MASP2: variants seen among roughly 807,000 people sequenced by gnomAD.
The protein encoded by MASP2 is MBL associated serine protease 2.
Under a neutral mutation model 57.1 loss-of-function variants are expected in MASP2, and 49 were observed. That is an observed-to-expected ratio of 0.86 (90% CI 0.68 to 1.09). The LOEUF is 1.09. Among genes scored for constraint, MASP2 ranks in the 50% least tolerant of loss-of-function variants. The probability of loss-of-function intolerance (pLI) is 0.00; values close to 1 mark genes in which losing one functional copy is unlikely to be tolerated. For missense variants in MASP2, 900 were observed against 874.8 expected, an observed-to-expected ratio of 1.03 and a Z score of -0.36; for synonymous variants, 379 against 340.8, an observed-to-expected ratio of 1.11 and a Z score of -1.24.
At chr1:11,033,965 ACTCTCTCT>A (rs796583650) in intron 8 of MASP2, among the ~76,000 whole-genome samples, 388 of 15,470 alleles carry the variant, frequency 0.025, 1 homozygote, top group African/African-American at 0.053. Context: ...ACACACACAC[ACTCTCTCT>A]CTCTCTCTCT....
intron 10 of MASP2, chr1:11,029,632 A>ATTTTT (rs150850538): frequency 2.1e-5 from 1 of 48,550 alleles, no homozygotes; most frequent in Non-Finnish European, 5.4e-5. Context: ...AATTTTTAAA[A>ATTTTT]TCTTTTTTTT....
intron 9 of MASP2, chr1:11,030,478 A>G (rs1041362839): frequency 1.7e-6 from 1 of 581,564 alleles, no homozygotes; most frequent in Non-Finnish European, 3.0e-6. Context: ...CAAGATCTCA[A>G]GTGCTTAATG....
Position 11,027,089 on chromosome 1 carries a change from A to C in MASP2, c.1857T>G (p.Ala619=), listed in dbSNP as rs748118548. Residue 619 remains alanine (A), a synonymous_variant, in exon 11 of 11, where the codon GCT becomes GCG. Coordinates refer to ENST00000400897, the MANE Select transcript of MASP2 (RefSeq NM_006610.4). ...RGSVTANMLC[A]GLESGGKDSC... is the part of the protein sequence containing the mutation. ...TGTCCTTGCCCCCACTTTCTAAGCC[A>C]GCACAAAGCATGTTAGCAGTTACAC... 24 of 1,601,178 alleles carry C rather than the reference A, an allele frequency of 1.5e-5. No homozygotes were observed. In the East Asian group the frequency reaches 5.4e-4, roughly 36 times the overall value.
chr1:11,034,981 GCAGTTC>G (rs1254782270), intron 7 of MASP2, 75 bp from the exon 8 acceptor site: 2 of 1,086,526 alleles, frequency 1.8e-6, no homozygotes, highest in Non-Finnish European at 2.7e-6. Context: ...TGCTCTCACA[GCAGTTC>G]CTATTCTAGT....
At chr1:11,043,681 A>T in intron 4 of MASP2, 146 bp from the exon 5 acceptor site, 196 of 555,974 alleles carry the variant, frequency 3.5e-4, no homozygotes, top group Middle Eastern at 1.0e-3. Context: ...TGGGCCCTGC[A>T]GGTGGCCAGC....
chr1:11,030,238 C>T lies in MASP2; in HGVS notation c.1235G>A (p.Cys412Tyr), dbSNP rs754304869. 1 of 1,613,312 alleles carries T rather than the reference C, an allele frequency of 6.2e-7. No homozygotes were observed. The highest frequency in any genetic ancestry group is 1.7e-5 in the Admixed American group (1 of 59,840). ...GCTCGTCCAGAATCCATCAGCCTCA[C>T]ACACATATTTACCTGCAAATCATTG... ...TMKVNDGKYVCEADGFWTSSK... is the reference protein window; with the variant it reads ...TMKVNDGKYVYEADGFWTSSK... Residue 412 changes from cysteine to tyrosine, a missense_variant, in exon 10 of 11, where the codon TGT (cysteine) becomes TAT (tyrosine). Transcript: ENST00000400897.
chr1:11,045,528 A>C lies in MASP2; in HGVS notation c.424T>G (p.Cys142Gly), dbSNP rs778677036. The C allele has an allele frequency of 2.5e-6, 4 of 1,607,108 alleles. No individual in the cohort carries two copies. The highest frequency in any genetic ancestry group is 3.4e-6 in the Non-Finnish European group (4 of 1,178,162). ...AFYAAEDIDE[C>G]QVAPGEAPTC... ...GGCGCCTCTCCCGGGGCCACCTGGC[A>C]CTCGTCAATGTCTGGGGGAGAGGCA... Residue 142 changes from cysteine to glycine, a missense_variant, in exon 4 of 11, where the codon TGC becomes GGC. Coordinates refer to ENST00000400897, the MANE Select transcript of MASP2 (RefSeq NM_006610.4).
chr1:11,036,511 A>C (rs1638238968), intron 7 of MASP2, among the ~76,000 whole-genome samples: 1 of 23,064 alleles, frequency 4.3e-5, no homozygotes, highest in South Asian at 9.9e-4. Context: ...ACTCCGTCTC[A>C]AAAAAAAAAA....
At chr1:11,046,227 G>A in intron 3 of MASP2, 1 of 400,536 alleles carries the variant, frequency 2.5e-6, no homozygotes, top group Non-Finnish European at 4.7e-6. Flanking sequence ...TGCCCTGGCT[G>A]GCCTTGAACT....
Position 11,027,532 on chromosome 1 carries a change from G to T in MASP2, c.1414C>A (p.Leu472Ile). 1 of 1,614,148 alleles carries T rather than the reference G, an allele frequency of 6.2e-7. No individual in the cohort carries two copies. ...ILGGTTAAGA[L>I]LYDNWVLTAA... is the part of the protein sequence containing the mutation. The stretch of plus-strand genomic sequence containing the variant: ...GTTAGGACCCAGTTGTCATATAAAA[G>T]TGCACCTGCTGCTGTGGTTCCACCT... The change falls in exon 11 of 11, where the codon CTT becomes ATT. Residue 472 changes from leucine (L) to isoleucine (I), a missense_variant. Coordinates refer to ENST00000400897, the MANE Select transcript of MASP2 (RefSeq NM_006610.4).
rs1638290717 is a variant in MASP2, at chr1:11,037,712, G to T, written c.989C>A (p.Thr330Asn). Reference sequence around the variant, plus strand: ...ACTCACTTGCAGAAGCTCATAGCCAGTCTCGCAAAAGATGGAGAAGCTGTC... The same window carrying T: ...ACTCACTTGCAGAAGCTCATAGCCATTCTCGCAAAAGATGGAGAAGCTGTC... Reference protein sequence around the residue: ...LKDSFSIFCETGYELLQGHLP... With the variant: ...LKDSFSIFCENGYELLQGHLP... The change falls in exon 7 of 11, where the codon ACT (threonine) becomes AAT (asparagine). Residue 330 changes from threonine (T) to asparagine (N), a missense_variant. By Grantham distance (65) the Thr-to-Asn change is moderately conservative. Transcript: ENST00000400897. 1.2e-6 allele frequency: 2 copies of T among 1,610,980 alleles called. No individual in the cohort carries two copies. The highest frequency in any genetic ancestry group is 1.7e-6 in the Non-Finnish European group (2 of 1,178,826).
At chr1:11,029,634 C>CTTTTTTTTTTT (rs551910712) in intron 10 of MASP2, 13 of 80,948 alleles carry the variant, frequency 1.6e-4, no homozygotes, top group Non-Finnish European at 2.2e-4. Flanking sequence ...TTTTTAAAAT[C>CTTTTTTTTTTT]TTTTTTTTTT....
chr1:11,047,222 G>T lies in MASP2; in HGVS notation c.-15C>A, dbSNP rs1015067736. 1.3e-6 allele frequency: 2 copies of T among 1,558,188 alleles called. No individual in the cohort carries two copies. Among genetic ancestry groups the T allele is most frequent in the Non-Finnish European group, 1.7e-6 (2 of 1,154,780 alleles). ...ACCTACCTCATGGTGTGCCCGTCCA[G>T]CTGGCCTGGCCTGGTCTGCAGCCCT... is the stretch of plus-strand genomic sequence containing the variant. On this transcript the variant is annotated 5_prime_UTR_variant, in exon 1 of 11. The change creates a new upstream start codon in the 5' untranslated region. Transcript: ENST00000400897.
At chr1:11,042,494 A>G (rs959235427) in intron 6 of MASP2, among the ~76,000 whole-genome samples, 1 of 150,370 alleles carries the variant, frequency 6.7e-6, no homozygotes. Context: ...GGATGGATGG[A>G]TAGGATGGGT....
intron 6 of MASP2, among the ~76,000 whole-genome samples, chr1:11,042,363 ATAGT>A (rs1216615396): frequency 2.0e-5 from 3 of 147,266 alleles, no homozygotes; most frequent in South Asian, 4.5e-4. Context: ...AGAAGAATGG[ATAGT>A]TAGAAGGATG....
In MASP2 at chr1:11,026,982, C is replaced by T; in HGVS notation, c.1964G>A (p.Trp655Ter). The T allele has an allele frequency of 1.3e-6, 2 of 1,587,884 alleles. No homozygotes were observed. Among genetic ancestry groups the T allele is most frequent in the Middle Eastern group, 1.7e-4 (1 of 5,918 alleles). The change falls in exon 11 of 11, where the codon TGG becomes TAG. Residue 655 changes from tryptophan (W) to a stop codon, truncating the protein, a stop_gained. Transcript: ENST00000400897. LOFTEE classifies it high-confidence loss of function. ...TGCTTCCCCACAATTCATGGAACCC[C>T]AGGACACTATTCCTCCCACAAACCA... Reference protein sequence around the residue: ...ERWFVGGIVSWGSMNCGEAGQ... With the variant: ...ERWFVGGIVS
chr1:11,033,960 C>T (rs1237701082), intron 8 of MASP2, among the ~76,000 whole-genome samples: 1 of 9,578 alleles, frequency 1.0e-4, no homozygotes, highest in Non-Finnish European at 2.4e-4. Context: ...CACACACACA[C>T]ACACACTCTC....
intron 10 of MASP2, 68 bp from the exon 11 acceptor site, chr1:11,027,716 A>T: frequency 2.7e-6 from 4 of 1,495,272 alleles, no homozygotes; most frequent in Non-Finnish European, 3.6e-6. Context: ...TTAAATTATG[A>T]CCGCCTTGAA....
At position 11,042,908 on chromosome 1, in the gene MASP2, G is replaced by A. The variant is rs1638504505; in HGVS notation, c.856C>T (p.His286Tyr). The change falls in exon 6 of 11, where the codon CAC becomes TAC. Residue 286 changes from histidine to tyrosine, a missense_variant. Transcript: ENST00000400897. ...ITFVTDESGD[H>Y]TGWKIHYTST... ...GTGTAGTGGATCTTCCAGCCTGTGT[G>A]GTCTCCTGATTCATCTGTGACAAAG... is the stretch of plus-strand genomic sequence containing the variant. 6.2e-6 allele frequency: 10 copies of A among 1,613,952 alleles called. No homozygotes were observed. The East Asian group carries it at 2.2e-4, about 36-fold the overall frequency.
Sources: gnomAD v4.1 joint callset for allele counts (sites outside exome capture counted in the v4.1 genomes callset) on GRCh38, gnomAD v4.1.1 for gene constraint, MANE v1.5 for transcripts, NCBI Gene and HGNC (gene_info 2026-07-23, HGNC 2026-07-21) for gene names.